The following CRISPLD2 variants were observed in gnomAD, a reference collection of about 807,000 sequenced individuals.
CRISPLD2 encodes cysteine rich secretory protein LCCL domain containing 2.
In CRISPLD2, 47 loss-of-function variants were observed where a neutral mutation model predicts 71.1. That is an observed-to-expected ratio of 0.66 (90% CI 0.52 to 0.84). CRISPLD2 has a LOEUF of 0.84. Ranked by LOEUF, CRISPLD2 falls within the 40% of genes least tolerant of loss-of-function variation. CRISPLD2 has a pLI of 0.00. For synonymous variants in CRISPLD2, 317 were observed against 250.1 expected, an observed-to-expected ratio of 1.27 and a Z score of -2.52; for missense variants, 830 against 651.1, an observed-to-expected ratio of 1.27 and a Z score of -2.99.
chr16:84,839,118 C>A, intron 2 of CRISPLD2: 1 of 368,292 alleles, frequency 2.7e-6, no homozygotes, highest in Non-Finnish European at 5.3e-6. Context: ...AACTCCTAGG[C>A]TCAAGCAATC....
At chr16:84,903,125 C>T (rs2071770070) in intron 14 of CRISPLD2, among the ~76,000 whole-genome samples, 1 of 152,042 alleles carries the variant, frequency 6.6e-6, no homozygotes, top group African/African-American at 2.4e-5. Context: ...AGGGTGACTC[C>T]GATCTGATTT....
Position 84,878,179 on chromosome 16 carries a change from G to A in CRISPLD2, c.1229+669G>A, listed in dbSNP as rs919082115. Among the ~76,000 whole-genome samples the A allele has an allele frequency of 4.6e-5, 7 of 151,986 alleles. 1 individual carries two copies. The South Asian group carries it at 1.0e-3, about 23-fold the overall frequency. On this transcript the variant is annotated intron_variant, in intron 12 of 14. Transcript: ENST00000262424. ...GTGGAGCTTGCAGTGAGCCGAGATC[G>A]CACCACTGCACTCCAGCCTGGGTGA... is the stretch of plus-strand genomic sequence containing the variant.
intron 1 of CRISPLD2, among the ~76,000 whole-genome samples, chr16:84,834,145 G>A (rs191412262): frequency 2.0e-5 from 3 of 152,274 alleles, no homozygotes; most frequent in Admixed American, 2.0e-4. Flanking sequence ...CTGTAGAGTG[G>A]GAGTGATGGA....
At chr16:84,884,223 C>T (rs1249031204) in intron 13 of CRISPLD2, among the ~76,000 whole-genome samples, 2 of 152,278 alleles carry the variant, frequency 1.3e-5, no homozygotes, top group Admixed American at 1.3e-4. Context: ...TTGCTGGCTC[C>T]GGGTGGCAGT....
In CRISPLD2 at chr16:84,829,080, G is replaced by GA. The variant is rs926359938; in HGVS notation, c.-75+8958dup. 4.4e-4 allele frequency: 64 copies of GA among 144,718 alleles called. No homozygotes were observed. The East Asian group carries it at 5.8e-3, about 13-fold the overall frequency. 9.0% of individuals were successfully genotyped at this position (144,718 alleles called of 1,614,324 possible). On this transcript the variant is annotated intron_variant, in intron 1 of 14. Transcript: ENST00000262424. ...CAGAACAAGACTCCGTCTCAAAAAG[G>GA]AAAAAAAAAAAGAATATTATCTTTT...
At chr16:84,879,241 A>G (rs1046633087) in intron 12 of CRISPLD2, among the ~76,000 whole-genome samples, 1 of 152,272 alleles carries the variant, frequency 6.6e-6, no homozygotes, top group African/African-American at 2.4e-5. Flanking sequence ...GAAGGAAAGA[A>G]TTTCAGAAAA....
intron 14 of CRISPLD2, among the ~76,000 whole-genome samples, chr16:84,891,945 C>G (rs1351755994): frequency 6.6e-6 from 1 of 152,220 alleles, no homozygotes; most frequent in African/African-American, 2.4e-5. Flanking sequence ...TCACTGGTGC[C>G]TTCTGTACTC....
chr16:84,838,435 A>C lies in CRISPLD2; in HGVS notation c.-61A>C. ...GCTTCCTTTCAGAGCTCAAGCGCCC[A>C]GCTCTGCCCGAGGAGCCCAGGCTGC... On this transcript the variant is annotated 5_prime_UTR_variant, in exon 2 of 15. Transcript: ENST00000262424. 6.3e-7 allele frequency: 1 copy of C among 1,574,904 alleles called. No individual in the cohort carries two copies. The highest frequency in any genetic ancestry group is 8.6e-7 in the Non-Finnish European group (1 of 1,159,422).
intron 1 of CRISPLD2, among the ~76,000 whole-genome samples, chr16:84,832,237 T>G (rs1003160468): frequency 6.6e-6 from 1 of 152,254 alleles, no homozygotes; most frequent in Non-Finnish European, 1.5e-5. Flanking sequence ...AGGACCTTTT[T>G]CCTTCCTCAC....
At chr16:84,865,086 A>G (rs1022871863) in intron 6 of CRISPLD2, among the ~76,000 whole-genome samples, 3 of 152,186 alleles carry the variant, frequency 2.0e-5, no homozygotes, top group African/African-American at 7.2e-5. Context: ...GTCCTTTAGC[A>G]AAGAAAGCTC....
At chr16:84,825,812 A>G (rs1916337731) in intron 1 of CRISPLD2, among the ~76,000 whole-genome samples, 1 of 151,822 alleles carries the variant, frequency 6.6e-6, no homozygotes, top group Middle Eastern at 3.2e-3. Flanking sequence ...AAAAGAAGAA[A>G]AAAAATTAGC....
At chr16:84,856,594 C>T (rs1172847253) in intron 6 of CRISPLD2, among the ~76,000 whole-genome samples, 4 of 152,182 alleles carry the variant, frequency 2.6e-5, no homozygotes, top group African/African-American at 4.8e-5. Context: ...ACTTCCACCC[C>T]TTAATTCCTG....
At chr16:84,901,379 A>G (rs759394264) in intron 14 of CRISPLD2, among the ~76,000 whole-genome samples, 8 of 152,094 alleles carry the variant, frequency 5.3e-5, no homozygotes, top group Non-Finnish European at 1.0e-4. Context: ...TTTTTGCCTT[A>G]AGGATTGTGT....
In CRISPLD2 at chr16:84,830,824, T is replaced by TG. The variant is rs1470565780; in HGVS notation, c.-74-7595dup. On this transcript the variant is annotated intron_variant, in intron 1 of 14. Transcript: ENST00000262424. ...CTGCTCTTGAGATTATCAGTGTCTATGGGATCTGCGTGATGGAAAGGCTGC... is the reference window on the plus strand; with the variant it reads ...CTGCTCTTGAGATTATCAGTGTCTATGGGGATCTGCGTGATGGAAAGGCTGC... Among the ~76,000 whole-genome samples the TG allele has an allele frequency of 3.9e-5, 6 of 152,294 alleles. No homozygotes were observed. In the South Asian group the frequency reaches 1.2e-3, roughly 32 times the overall value.
At position 84,894,896 on chromosome 16, in the gene CRISPLD2, G is replaced by C. The variant is rs571051984; in HGVS notation, c.1439+5533G>C. Among the ~76,000 whole-genome samples, 4 of 152,080 alleles carry C rather than the reference G, an allele frequency of 2.6e-5. No individual in the cohort carries two copies. In the South Asian group the frequency reaches 8.3e-4, roughly 32 times the overall value. ...GCACCGAGAATCTCAAGGGTCAGGTGACTGAAGATCTCGCTATGGGTCTAG... is the reference window on the plus strand; with the variant it reads ...GCACCGAGAATCTCAAGGGTCAGGTCACTGAAGATCTCGCTATGGGTCTAG... On this transcript the variant is annotated intron_variant, in intron 14 of 14. Coordinates refer to ENST00000262424, the MANE Select transcript of CRISPLD2 (RefSeq NM_031476.4).
At chr16:84,881,637 T>TG (rs1859079946) in intron 13 of CRISPLD2, among the ~76,000 whole-genome samples, 1 of 151,702 alleles carries the variant, frequency 6.6e-6, no homozygotes, top group African/African-American at 2.4e-5. Context: ...GCTAATGTTT[T>TG]TTATTTTTTT....
intron 1 of CRISPLD2, among the ~76,000 whole-genome samples, chr16:84,833,726 G>A (rs1163738295): frequency 6.6e-6 from 1 of 152,194 alleles, no homozygotes; most frequent in Non-Finnish European, 1.5e-5. Context: ...GATGGTGGTG[G>A]GGGGGCGTGT....
chr16:84,905,574 A>G (rs560009745), intron 14 of CRISPLD2, among the ~76,000 whole-genome samples: 33 of 152,102 alleles, frequency 2.2e-4, no homozygotes, highest in African/African-American at 8.0e-4. Flanking sequence ...AATTGTTTGT[A>G]GAGGCAGGGT....
At chr16:84,889,151 G>A (rs2071638758) in intron 13 of CRISPLD2, 79 bp from the exon 14 acceptor site, 3 of 1,597,474 alleles carry the variant, frequency 1.9e-6, no homozygotes, top group African/African-American at 2.7e-5. Context: ...TTGCCCAGCA[G>A]TGAATGATGG....
Sources: allele counts gnomAD v4.1 joint callset (sites outside exome capture counted in the v4.1 genomes callset), GRCh38; gene constraint gnomAD v4.1.1; transcripts MANE v1.5; gene names NCBI Gene and HGNC (gene_info 2026-07-23, HGNC 2026-07-21).